NAA15: variants seen among roughly 807,000 people sequenced by gnomAD.
NAA15 encodes the protein N-alpha-acetyltransferase 15, NatA auxiliary subunit.
A neutral mutation model predicts 114.0 loss-of-function variants in NAA15; 34 were observed. That is an observed-to-expected ratio of 0.30 (90% confidence interval 0.23 to 0.40). NAA15 has a LOEUF of 0.40. NAA15 is among the 10% of genes least tolerant of loss of function. The probability of loss-of-function intolerance (pLI) is 1.00; values close to 1 mark genes in which losing one functional copy is unlikely to be tolerated. For synonymous variants in NAA15, 340 were observed against 338.0 expected (o/e 1.01, Z -0.06); for missense variants, 658 against 1,004.5 (o/e 0.66, Z 4.66).
intron 9 of NAA15, among the ~76,000 whole-genome samples, chr4:139,353,566 A>C (rs969740129): frequency 1.3e-5 from 2 of 152,036 alleles, no homozygotes; most frequent in Non-Finnish European, 2.9e-5. Context: ...GACCTAACAA[A>C]CTCTCAGAGT....
Position 139,386,164 on chromosome 4 carries a change from T to C in NAA15, c.2334T>C (p.Ser778=), listed in dbSNP as rs376576619. The C allele has an allele frequency of 9.3e-6, 15 of 1,609,612 alleles. No homozygotes were observed. Among genetic ancestry groups the C allele is most frequent in the East Asian group, 4.5e-5 (2 of 44,666 alleles). ...AAATGGTATATTACTTAGATCCTTCTAGTCAGAAGCGAGCTATAGAGTTGG... is the reference window on the plus strand; with the variant it reads ...AAATGGTATATTACTTAGATCCTTCCAGTCAGAAGCGAGCTATAGAGTTGG... The part of the protein sequence containing the change: ...AAKMVYYLDP[S]SQKRAIELAT... The change falls in exon 19 of 20, where the codon TCT becomes TCC. Residue 778 remains serine, a synonymous_variant. Coordinates refer to ENST00000296543, the MANE Select transcript of NAA15 (RefSeq NM_057175.5).
Position 139,315,051 on chromosome 4 carries a change from G to GTTAGTTTAGTTTAGT in NAA15, c.54+13233_54+13247dup, listed in dbSNP as rs770420396. Among the ~76,000 whole-genome samples the GTTAGTTTAGTTTAGT allele has an allele frequency of 9.5e-4, 107 of 112,416 alleles. 4 individuals are homozygous for GTTAGTTTAGTTTAGT. The highest frequency in any genetic ancestry group is 2.5e-3 in the African/African-American group (75 of 29,440). 73.7% of individuals were successfully genotyped at this position (112,416 alleles called of 152,430 possible). A position where few individuals can be genotyped will look rare whatever the true frequency, so the allele number is the denominator to read the frequency against. On this transcript the variant is annotated intron_variant, in intron 1 of 19. Coordinates refer to ENST00000296543, the MANE Select transcript of NAA15 (RefSeq NM_057175.5). ...GTTAGGTTAGGTTAGGTTAGGTTAG[G>GTTAGTTTAGTTTAGT]TTAGTTTAGTTTAGTTTAGTTTAGT...
At chr4:139,338,632 G>A (rs1747277801) in intron 3 of NAA15, among the ~76,000 whole-genome samples, 1 of 152,050 alleles carries the variant, frequency 6.6e-6, no homozygotes, top group Non-Finnish European at 1.5e-5. Context: ...ATTTTTAGTA[G>A]AGACAGGGTT....
intron 1 of NAA15, among the ~76,000 whole-genome samples, chr4:139,304,947 G>C (rs1188221349): frequency 1.3e-5 from 2 of 152,100 alleles, no homozygotes; most frequent in African/African-American, 4.8e-5. Context: ...TTCCTCTGTT[G>C]CCCAGGCTGG....
At chr4:139,358,918 C>G (rs1171284233) in intron 11 of NAA15, among the ~76,000 whole-genome samples, 1 of 151,980 alleles carries the variant, frequency 6.6e-6, no homozygotes, top group Non-Finnish European at 1.5e-5. Flanking sequence ...AGTTCAAGAC[C>G]AGCTTGGCCA....
chr4:139,308,042 T>G (rs950067492), intron 1 of NAA15, among the ~76,000 whole-genome samples: 1 of 151,998 alleles, frequency 6.6e-6, no homozygotes, highest in Non-Finnish European at 1.5e-5. Context: ...GCTCATTGCA[T>G]GCTCTGCCTC....
intron 1 of NAA15, among the ~76,000 whole-genome samples, chr4:139,313,438 G>A (rs1383866259): frequency 6.6e-6 from 1 of 151,622 alleles, no homozygotes; most frequent in African/African-American, 2.4e-5. Context: ...CAGATTTTAT[G>A]CTAGACTTTT....
chr4:139,378,634 G>GT, intron 16 of NAA15, 122 bp from the exon 17 acceptor site: 1 of 455,120 alleles, frequency 2.2e-6, no homozygotes, highest in Non-Finnish European at 3.8e-6. Flanking sequence ...TGCCTCAATC[G>GT]TATGTTTGTG....
chr4:139,329,439 T>G (rs1746924360), intron 1 of NAA15, among the ~76,000 whole-genome samples: 1 of 152,204 alleles, frequency 6.6e-6, no homozygotes, highest in Non-Finnish European at 1.5e-5. Flanking sequence ...TTAACTGTCT[T>G]TAAAGAGTGG....
intron 1 of NAA15, among the ~76,000 whole-genome samples, chr4:139,325,221 TGA>T (rs1246285499): frequency 6.6e-6 from 1 of 152,240 alleles, no homozygotes; most frequent in Non-Finnish European, 1.5e-5. Context: ...ATTGTCCATT[TGA>T]TTATAAGACT....
chr4:139,334,157 C>CT lies in NAA15; in HGVS notation c.55-11dup. ...TATTCCTTGCTAAACTTAAATTTTTCTTTTTTGTTTTGACAGAGGTGTTAT... is the reference window on the plus strand; with the variant it reads ...TATTCCTTGCTAAACTTAAATTTTTCTTTTTTTGTTTTGACAGAGGTGTTAT... On this transcript the variant is annotated splice_polypyrimidine_tract_variant and intron_variant, in intron 1 of 19. Coordinates refer to ENST00000296543, the MANE Select transcript of NAA15 (RefSeq NM_057175.5). The CT allele has an allele frequency of 2.0e-6, 3 of 1,537,814 alleles. No individual in the cohort carries two copies. Among genetic ancestry groups the CT allele is most frequent in the South Asian group, 1.2e-5 (1 of 80,650 alleles).
At chr4:139,335,440 A>T (rs552584859) in intron 2 of NAA15, among the ~76,000 whole-genome samples, 9 of 152,188 alleles carry the variant, frequency 5.9e-5, no homozygotes, top group Middle Eastern at 3.4e-3. Flanking sequence ...ATCTCAGCTC[A>T]CTACAGCTTC....
chr4:139,340,087 C>G (rs1747331959), intron 3 of NAA15, among the ~76,000 whole-genome samples: 1 of 152,030 alleles, frequency 6.6e-6, no homozygotes, highest in African/African-American at 2.4e-5. Context: ...TTTGGGAGGC[C>G]AAGGCAGGTG....
intron 19 of NAA15, 111 bp from the exon 20 acceptor site, chr4:139,387,773 A>T: frequency 2.5e-6 from 2 of 809,678 alleles, no homozygotes; most frequent in Non-Finnish European, 4.0e-6. Flanking sequence ...ATAGCTAAAT[A>T]TGTGTATTTA....
intron 1 of NAA15, among the ~76,000 whole-genome samples, chr4:139,319,485 CA>C (rs1746528278): frequency 6.6e-6 from 1 of 152,010 alleles, no homozygotes; most frequent in Non-Finnish European, 1.5e-5. Context: ...GCCAACACTG[CA>C]GTGTAGTGAC....
chr4:139,362,671 G>GAT (rs1748169113), intron 14 of NAA15, among the ~76,000 whole-genome samples: 1 of 152,136 alleles, frequency 6.6e-6, no homozygotes, highest in Admixed American at 6.6e-5. Flanking sequence ...ACCAGCTTGG[G>GAT]ATAAAGCTAG....
chr4:139,317,450 G>A (rs929532886), intron 1 of NAA15, among the ~76,000 whole-genome samples: 10 of 152,064 alleles, frequency 6.6e-5, no homozygotes, highest in Non-Finnish European at 1.0e-4. Flanking sequence ...GGTGAAACCC[G>A]TCTCTACTAA....
At chr4:139,344,588 A>T (rs181554463) in intron 6 of NAA15, among the ~76,000 whole-genome samples, 10 of 152,328 alleles carry the variant, frequency 6.6e-5, no homozygotes, top group Admixed American at 2.0e-4. Context: ...ACATTCTTTA[A>T]ATAAAGTATC....
chr4:139,327,669 T>C (rs1746847565), intron 1 of NAA15, among the ~76,000 whole-genome samples: 2 of 152,178 alleles, frequency 1.3e-5, no homozygotes, highest in Admixed American at 1.3e-4. Context: ...GTTTTCGTTT[T>C]GTTTTGTTTT....
Sources: gnomAD v4.1 joint callset for allele counts (sites outside exome capture counted in the v4.1 genomes callset) on GRCh38, gnomAD v4.1.1 for gene constraint, MANE v1.5 for transcripts, NCBI Gene and HGNC (gene_info 2026-07-23, HGNC 2026-07-21) for gene names.